GALNT7: variants seen among roughly 807,000 people sequenced by gnomAD.
GALNT7 encodes N-acetylgalactosaminyltransferase 7.
In GALNT7, 60 loss-of-function variants were observed where a neutral mutation model predicts 82.1. That is an observed-to-expected ratio of 0.73 (90% CI 0.59 to 0.91). The LOEUF is 0.91. Among genes scored for constraint, GALNT7 ranks in the 40% least tolerant of loss-of-function variants. The pLI is 0.00. For missense variants in GALNT7, 660 were observed against 804.2 expected, an observed-to-expected ratio of 0.82 and a Z score of 2.17; for synonymous variants, 243 against 275.1, an observed-to-expected ratio of 0.88 and a Z score of 1.15.
chr4:173,245,795 G>C (rs17059253), intron 1 of GALNT7, among the ~76,000 whole-genome samples: 4,065 of 152,240 alleles, frequency 0.027, 104 homozygotes, highest in African/African-American at 0.064. Flanking sequence ...AGTCATGCGT[G>C]CCTTACACTT....
At chr4:173,249,609 A>G (rs568445146) in intron 2 of GALNT7, among the ~76,000 whole-genome samples, 4 of 152,344 alleles carry the variant, frequency 2.6e-5, no homozygotes, top group African/African-American at 7.2e-5. Flanking sequence ...AGTCATAGAT[A>G]GCATTGCCAG....
At chr4:173,181,556 C>G (rs556433882) in intron 1 of GALNT7, among the ~76,000 whole-genome samples, 3 of 152,156 alleles carry the variant, frequency 2.0e-5, no homozygotes, top group Admixed American at 6.5e-5. Flanking sequence ...CTCTATTCCT[C>G]TTCTTATAGC....
chr4:173,275,445 T>C (rs75275968), intron 2 of GALNT7, among the ~76,000 whole-genome samples: 2,087 of 152,308 alleles, frequency 0.014, 52 homozygotes, highest in African/African-American at 0.043. Flanking sequence ...GGAAACTGGC[T>C]ACCTCACAGC....
chr4:173,281,495 G>T (rs1259232148), intron 2 of GALNT7, among the ~76,000 whole-genome samples: 2 of 152,108 alleles, frequency 1.3e-5, no homozygotes, highest in Non-Finnish European at 2.9e-5. Flanking sequence ...CAGGCCACTG[G>T]CTCTCAACTC....
chr4:173,181,995 A>G (rs1367887450), intron 1 of GALNT7, among the ~76,000 whole-genome samples: 1 of 152,258 alleles, frequency 6.6e-6, no homozygotes, highest in East Asian at 1.9e-4. Context: ...TGGTAAAATC[A>G]TGTTTTGTAA....
chr4:173,188,978 A>G (rs1732539746), intron 1 of GALNT7, among the ~76,000 whole-genome samples: 1 of 151,980 alleles, frequency 6.6e-6, no homozygotes. Context: ...CTCGAGGGAG[A>G]GGTTAAAGTG....
In GALNT7 at chr4:173,313,005, G is replaced by C. The variant is rs112300416; in HGVS notation, c.1390-953G>C. Among the ~76,000 whole-genome samples, 890 of 152,194 alleles carry C rather than the reference G, an allele frequency of 5.8e-3. 10 individuals carry two copies. The highest frequency in any genetic ancestry group is 0.02 in the African/African-American group (851 of 41,514). On this transcript the variant is annotated intron_variant, in intron 8 of 11. Transcript: ENST00000265000. ...ACCTGGGAGGCAGAGGTTGCAGTGA[G>C]CCGAGATTGCGTCACTGCACTCCAT...
Position 173,302,533 on chromosome 4 carries a change from A to G in GALNT7, c.1266+369A>G, listed in dbSNP as rs1254516780. Among the ~76,000 whole-genome samples the G allele has an allele frequency of 3.3e-5, 5 of 152,132 alleles. No individual in the cohort carries two copies. The East Asian group carries it at 9.6e-4, about 29-fold the overall frequency. ...CCCACTGACACAGTCACCCTTTACC[A>G]CTGTAGGACATGATTCAAGACAGAA... On this transcript the variant is annotated intron_variant, in intron 7 of 11. Transcript: ENST00000265000. The surrounding 1 kb of genome is among the most constrained non-coding windows in gnomAD (Gnocchi z 4.2).
At chr4:173,250,977 T>TA (rs1734828317) in intron 2 of GALNT7, among the ~76,000 whole-genome samples, 1 of 152,214 alleles carries the variant, frequency 6.6e-6, no homozygotes. Flanking sequence ...TATTCTCTAT[T>TA]ACTTCTCTTT....
Position 173,190,962 on chromosome 4 carries a change from A to G in GALNT7, c.126+22001A>G, listed in dbSNP as rs528787302. Among the ~76,000 whole-genome samples, 8 of 152,280 alleles carry G rather than the reference A, an allele frequency of 5.3e-5. No individual in the cohort carries two copies. The South Asian group carries it at 1.7e-3, about 32-fold the overall frequency. On this transcript the variant is annotated intron_variant, in intron 1 of 11. Transcript: ENST00000265000. ...GCTGTTGGCAGTCAGGGAACCATGGAAAAGATTATGGGTCATGGAAGGTTA... is the reference window on the plus strand; with the variant it reads ...GCTGTTGGCAGTCAGGGAACCATGGGAAAGATTATGGGTCATGGAAGGTTA...
At chr4:173,252,456 T>G (rs1330489725) in intron 2 of GALNT7, among the ~76,000 whole-genome samples, 2 of 152,196 alleles carry the variant, frequency 1.3e-5, no homozygotes, top group East Asian at 1.9e-4. Context: ...GCGGCTGTTG[T>G]GTAGTCTTTG....
At chr4:173,282,317 T>G (rs1006848426) in intron 2 of GALNT7, 2 of 152,178 alleles carry the variant, frequency 1.3e-5, no homozygotes, top group Non-Finnish European at 2.9e-5. Context: ...GGAGGAAACT[T>G]TTTCCTGGGA....
At chr4:173,184,123 C>T (rs1426136544) in intron 1 of GALNT7, among the ~76,000 whole-genome samples, 2 of 148,000 alleles carry the variant, frequency 1.4e-5, no homozygotes, top group South Asian at 2.1e-4. Context: ...GACTGGGCGG[C>T]GGGGCAGAGG....
chr4:173,236,949 A>G (rs1057485755), intron 1 of GALNT7, among the ~76,000 whole-genome samples: 2 of 152,272 alleles, frequency 1.3e-5, no homozygotes, highest in Non-Finnish European at 2.9e-5. Flanking sequence ...ATGATAAACC[A>G]GAGTATCACT....
intron 1 of GALNT7, among the ~76,000 whole-genome samples, chr4:173,244,715 C>T (rs539473628): frequency 3.9e-4 from 59 of 152,108 alleles, no homozygotes; most frequent in African/African-American, 1.2e-3. Context: ...GGTGAGGGTG[C>T]CTGAATTAAG....
chr4:173,303,275 A>T (rs560073742), intron 7 of GALNT7, among the ~76,000 whole-genome samples: 31 of 152,316 alleles, frequency 2.0e-4, no homozygotes, highest in African/African-American at 7.2e-4. Context: ...TGATGTTAGT[A>T]AGCACAGATA....
At chr4:173,275,956 T>G (rs1040812481) in intron 2 of GALNT7, among the ~76,000 whole-genome samples, 6 of 152,176 alleles carry the variant, frequency 3.9e-5, no homozygotes, top group African/African-American at 1.4e-4. Flanking sequence ...CTTCCAACTA[T>G]GGCACCATAC....
intron 1 of GALNT7, among the ~76,000 whole-genome samples, chr4:173,225,963 G>A (rs886557519): frequency 9.2e-5 from 14 of 152,156 alleles, no homozygotes; most frequent in African/African-American, 2.4e-4. Flanking sequence ...CCAATTTGGA[G>A]CAAGAGGACT....
Position 173,248,333 on chromosome 4 carries a change from A to G in GALNT7, c.480A>G (p.Pro160=). Residue 160 remains proline (P), a synonymous_variant, in exon 2 of 12, where the codon CCA becomes CCG. Coordinates refer to ENST00000265000, the MANE Select transcript of GALNT7 (RefSeq NM_017423.3). ...AAGCCAAGCCATTGGTTTTGGGACC[A>G]GAATTCAAACAAGCAATTCAAGCCA... ...GEKAKPLVLG[P]EFKQAIQASI... 1.2e-6 allele frequency: 2 copies of G among 1,613,888 alleles called. No homozygotes were observed. Among genetic ancestry groups the G allele is most frequent in the African/African-American group, 1.3e-5 (1 of 75,044 alleles).
Sources: allele counts gnomAD v4.1 joint callset (sites outside exome capture counted in the v4.1 genomes callset), GRCh38; gene constraint gnomAD v4.1.1; non-coding constraint Gnocchi (gnomAD v3.1); transcripts MANE v1.5; gene names NCBI Gene and HGNC (gene_info 2026-07-23, HGNC 2026-07-21).